CCDC60: variants seen among roughly 807,000 people sequenced by gnomAD.
The protein encoded by CCDC60 is coiled-coil domain-containing protein 60.
A neutral mutation model predicts 63.5 loss-of-function variants in CCDC60; 54 were observed. That is an observed-to-expected ratio of 0.85 (90% confidence interval 0.68 to 1.07). The LOEUF is 1.07. CCDC60 is among the 50% of genes least tolerant of loss of function. The pLI is 0.00. For missense variants in CCDC60, 651 were observed against 684.3 expected (o/e 0.95, Z 0.54); for synonymous variants, 206 against 238.8 (o/e 0.86, Z 1.27).
intron 1 of CCDC60, among the ~76,000 whole-genome samples, chr12:119,359,685 CCGCAG>C (rs1319645151): frequency 6.6e-6 from 1 of 151,970 alleles, no homozygotes; most frequent in Non-Finnish European, 1.5e-5. Flanking sequence ...CTGCGGCCTT[CCGCAG>C]CGTTTGTGTC....
intron 1 of CCDC60, among the ~76,000 whole-genome samples, chr12:119,361,994 A>C (rs1013419307): frequency 6.6e-6 from 1 of 152,236 alleles, no homozygotes; most frequent in African/African-American, 2.4e-5. Context: ...TTTCAGAGTA[A>C]AATGAGGTGC....
rs1436148955 is a variant in CCDC60, at chr12:119,456,070, AGCAT to A, written c.171-15922_171-15919del. On this transcript the variant is annotated intron_variant, in intron 2 of 13. Transcript: ENST00000327554. This position sits in a 1 kb window ranked among gnomAD's most constrained non-coding sequence, Gnocchi z 4.6. ...AAGAAAGAAAGAAAGAAAGCAAGCA[AGCAT>A]GTGCAATTTCAAGGGGGTAGAGAGA... 1.4e-4 allele frequency among the ~76,000 whole-genome samples: 20 copies of A among 142,338 alleles called. No homozygotes were observed. The highest frequency in any genetic ancestry group is 5.2e-4 in the African/African-American group (19 of 36,668). The allele number at this position is 142,338 out of a possible 152,430, so 93.4% of individuals were successfully genotyped here.
Position 119,348,354 on chromosome 12 carries a change from G to A in CCDC60, c.90+13088G>A, listed in dbSNP as rs149197286. ...TAGCCTCCTCACCTTTTCACTTCCT[G>A]CCCCAACCAACAAACAGCCTTCCCA... is the stretch of plus-strand genomic sequence containing the variant. On this transcript the variant is annotated intron_variant, in intron 1 of 13. Coordinates refer to ENST00000327554, the MANE Select transcript of CCDC60 (RefSeq NM_178499.5). Among the ~76,000 whole-genome samples the A allele has an allele frequency of 3.9e-3, 601 of 152,224 alleles. 2 individuals carry two copies. Among genetic ancestry groups the A allele is most frequent in the Admixed American group, 8.1e-3 (124 of 15,288 alleles).
chr12:119,455,322 A>G (rs1950705767), intron 2 of CCDC60, among the ~76,000 whole-genome samples: 5 of 152,224 alleles, frequency 3.3e-5, no homozygotes, highest in Admixed American at 3.3e-4. Context: ...TCTTACTTCA[A>G]GGAGCCCACA....
chr12:119,371,851 A>G (rs915674684), intron 1 of CCDC60, among the ~76,000 whole-genome samples: 18 of 152,152 alleles, frequency 1.2e-4, no homozygotes, highest in African/African-American at 2.4e-5. Flanking sequence ...GCCTACATCC[A>G]TTATTAAAAG....
At chr12:119,483,745 G>A (rs1017085762) in intron 4 of CCDC60, among the ~76,000 whole-genome samples, 19 of 152,154 alleles carry the variant, frequency 1.2e-4, no homozygotes, top group East Asian at 3.9e-4. Context: ...GCACTCGCCC[G>A]GAGTTCTGAG....
intron 1 of CCDC60, among the ~76,000 whole-genome samples, chr12:119,369,873 G>C (rs980476606): frequency 7.2e-5 from 11 of 152,144 alleles, no homozygotes; most frequent in African/African-American, 2.7e-4. Flanking sequence ...GGGTTCAGAG[G>C]CTTGCCAAGG....
chr12:119,368,634 G>A (rs1006752544), intron 1 of CCDC60, among the ~76,000 whole-genome samples: 3 of 152,146 alleles, frequency 2.0e-5, no homozygotes, highest in African/African-American at 7.2e-5. Context: ...GCTTCTAAAG[G>A]TTGTACCAGT....
chr12:119,494,231 C>T (rs1209673809), intron 5 of CCDC60, among the ~76,000 whole-genome samples: 3 of 152,284 alleles, frequency 2.0e-5, no homozygotes, highest in African/African-American at 7.2e-5. Context: ...ATTTGACAAG[C>T]TCTAATGCTG....
At chr12:119,506,115 C>T (rs1268924051) in intron 7 of CCDC60, among the ~76,000 whole-genome samples, 1 of 152,094 alleles carries the variant, frequency 6.6e-6, no homozygotes, top group African/African-American at 2.4e-5. Context: ...AATTTCAGAA[C>T]ATTTCCAACC....
In CCDC60 at chr12:119,410,215, G is replaced by GTC. The variant is rs1956570859; in HGVS notation, c.91-18467_91-18466insCT. Among the ~76,000 whole-genome samples the GTC allele has an allele frequency of 1.3e-5, 2 of 151,832 alleles. No individual in the cohort carries two copies. The highest frequency in any genetic ancestry group is 1.3e-4 in the Admixed American group (2 of 15,218). ...TGTGTGTGTGTCTGTGTGTGTGTGT[G>GTC]TGTGTGGTTTCCAAATCTCTCTGGA... On this transcript the variant is annotated intron_variant, in intron 1 of 13. Transcript: ENST00000327554. The surrounding 1 kb of genome is among the most constrained non-coding windows in gnomAD (Gnocchi z 4.0).
intron 1 of CCDC60, among the ~76,000 whole-genome samples, chr12:119,399,638 G>A (rs1490428881): frequency 6.6e-6 from 1 of 151,884 alleles, no homozygotes; most frequent in Non-Finnish European, 1.5e-5. Flanking sequence ...GCCTCAAGAG[G>A]GGCTACGTTC....
At chr12:119,360,112 G>A (rs1417586576) in intron 1 of CCDC60, among the ~76,000 whole-genome samples, 6 of 151,492 alleles carry the variant, frequency 4.0e-5, no homozygotes, top group Admixed American at 1.3e-4. Flanking sequence ...AGGGGCGGCC[G>A]GGCAGAGGCA....
chr12:119,357,687 C>T (rs1955731994), intron 1 of CCDC60, among the ~76,000 whole-genome samples: 1 of 152,194 alleles, frequency 6.6e-6, no homozygotes, highest in African/African-American at 2.4e-5. Flanking sequence ...CTCCCGACCT[C>T]AGGTGATCCA....
chr12:119,502,116 A>T (rs1290135512), intron 6 of CCDC60, among the ~76,000 whole-genome samples: 1 of 152,202 alleles, frequency 6.6e-6, no homozygotes, highest in African/African-American at 2.4e-5. Context: ...GCTGAGTGTG[A>T]TACAGTAGGG....
chr12:119,522,387 G>A (rs1014152382), intron 9 of CCDC60, among the ~76,000 whole-genome samples: 2 of 152,218 alleles, frequency 1.3e-5, no homozygotes, highest in African/African-American at 4.8e-5. Context: ...AGAAATGGTT[G>A]GATGGCATGA....
chr12:119,425,741 G>A (rs1956888667), intron 1 of CCDC60, among the ~76,000 whole-genome samples: 1 of 152,210 alleles, frequency 6.6e-6, no homozygotes, highest in Non-Finnish European at 1.5e-5. Flanking sequence ...AGTAAGGAAA[G>A]AGAACATCTC....
intron 5 of CCDC60, among the ~76,000 whole-genome samples, chr12:119,493,089 C>A (rs1294552548): frequency 6.6e-6 from 1 of 152,122 alleles, no homozygotes; most frequent in Non-Finnish European, 1.5e-5. Context: ...GAAGGTAATA[C>A]CTAATCTCCA....
intron 1 of CCDC60, among the ~76,000 whole-genome samples, chr12:119,360,460 T>C (rs1366228881): frequency 2.0e-5 from 3 of 148,022 alleles, no homozygotes; most frequent in Non-Finnish European, 3.0e-5. Flanking sequence ...CCAGACGGGG[T>C]GGCTGCCGGG....
Sources: allele counts gnomAD v4.1 joint callset (sites outside exome capture counted in the v4.1 genomes callset), GRCh38; gene constraint gnomAD v4.1.1; non-coding constraint Gnocchi (gnomAD v3.1); transcripts MANE v1.5; gene names NCBI Gene and HGNC (gene_info 2026-07-23, HGNC 2026-07-21).